The following MBD5 variants were observed in gnomAD, a reference collection of about 807,000 sequenced individuals.
MBD5 encodes methyl-CpG-binding domain protein 5.
MBD5 carries 13 observed loss-of-function variants against 117.3 expected under a neutral mutation model. That is an observed-to-expected ratio of 0.11 (90% CI 0.07 to 0.18). The LOEUF is 0.18. MBD5 is among the 10% of genes least tolerant of loss of function. The pLI is 1.00. For missense variants in MBD5, 1,879 were observed against 2,093.8 expected (o/e 0.90, Z 2.00); for synonymous variants, 727 against 766.4 (o/e 0.95, Z 0.85).
intron 3 of MBD5, among the ~76,000 whole-genome samples, chr2:148,308,074 C>T (rs1313446727): frequency 6.6e-6 from 1 of 152,108 alleles, no homozygotes; most frequent in Non-Finnish European, 1.5e-5. Flanking sequence ...CAAGTCTTTG[C>T]TATTGTGAAC....
In MBD5 at chr2:148,021,469, CTGCTGCTGCTGT is replaced by C. The variant is rs1693720469; in HGVS notation, c.-1128_-1117del. On this transcript the variant is annotated 5_prime_UTR_variant, in exon 1 of 14. Transcript: ENST00000642680. ...AGACCCTTTGCTGCTGCTGTTGCTG[CTGCTGCTGCTGT>C]TGCTGCTGCTGCTGCTACTGCTGCT... 5.2e-6 allele frequency: 3 copies of C among 578,294 alleles called. No individual in the cohort carries two copies. The highest frequency in any genetic ancestry group is 3.8e-5 in the African/African-American group (2 of 52,876). The allele number at this position is 578,294 out of a possible 1,614,324, so 35.8% of individuals were successfully genotyped here.
chr2:148,180,897 G>C (rs912285336), intron 2 of MBD5, among the ~76,000 whole-genome samples: 1 of 151,868 alleles, frequency 6.6e-6, no homozygotes, highest in Non-Finnish European at 1.5e-5. Flanking sequence ...CTATTGTACT[G>C]TTCTATTTTG....
Position 148,463,930 on chromosome 2 carries a change from T to C in MBD5, c.397+11T>C. ...CCGGAGGAGGAACAAGTATGTAATATGGTGAAAGGTTCAGGAATTCTCCTC... is the reference window on the plus strand; with the variant it reads ...CCGGAGGAGGAACAAGTATGTAATACGGTGAAAGGTTCAGGAATTCTCCTC... On this transcript the variant is annotated intron_variant, in intron 7 of 13. Coordinates refer to ENST00000642680, the MANE Select transcript of MBD5 (RefSeq NM_001378120.1). 6.2e-7 allele frequency: 1 copy of C among 1,612,932 alleles called. No individual in the cohort carries two copies. Among genetic ancestry groups the C allele is most frequent in the East Asian group, 2.2e-5 (1 of 44,822 alleles).
At chr2:148,450,353 T>C (rs2105476590) in intron 4 of MBD5, among the ~76,000 whole-genome samples, 1 of 152,318 alleles carries the variant, frequency 6.6e-6, no homozygotes, top group East Asian at 1.9e-4. Flanking sequence ...CTAAATACTA[T>C]GATTAATTTA....
chr2:148,061,610 T>C (rs1695038039), intron 1 of MBD5, among the ~76,000 whole-genome samples: 1 of 151,916 alleles, frequency 6.6e-6, no homozygotes, highest in Non-Finnish European at 1.5e-5. Context: ...TTTACAGTAT[T>C]TCATTATTAT....
chr2:148,396,089 A>G (rs950466583), intron 4 of MBD5, among the ~76,000 whole-genome samples: 4 of 151,918 alleles, frequency 2.6e-5, no homozygotes, highest in African/African-American at 9.7e-5. Context: ...CTGTGTTCAC[A>G]TTCTCATCTC....
At chr2:148,205,370 G>T (rs183906127) in intron 2 of MBD5, among the ~76,000 whole-genome samples, 1 of 152,172 alleles carries the variant, frequency 6.6e-6, no homozygotes. Context: ...GATTACAGGC[G>T]TGGACTAATT....
chr2:148,355,133 T>C (rs1265914695), intron 4 of MBD5, among the ~76,000 whole-genome samples: 1 of 152,114 alleles, frequency 6.6e-6, no homozygotes, highest in African/African-American at 2.4e-5. Context: ...GTTTTTTTTC[T>C]TGTAAATTTT....
intron 13 of MBD5, among the ~76,000 whole-genome samples, chr2:148,511,942 C>T (rs191682079): frequency 7.9e-5 from 12 of 152,104 alleles, no homozygotes; most frequent in Non-Finnish European, 1.5e-4. Flanking sequence ...TCCGGAGAGG[C>T]GATTGTACTC....
intron 3 of MBD5, among the ~76,000 whole-genome samples, chr2:148,277,389 T>C (rs1701141197): frequency 6.6e-6 from 1 of 152,174 alleles, no homozygotes; most frequent in Admixed American, 6.5e-5. Flanking sequence ...CTTAAATATG[T>C]AGCTAATATA....
intron 2 of MBD5, among the ~76,000 whole-genome samples, chr2:148,215,082 C>T (rs534233186): frequency 1.3e-5 from 2 of 152,230 alleles, no homozygotes; most frequent in Non-Finnish European, 2.9e-5. Context: ...ACATTAATTT[C>T]CTCTAAGCAT....
chr2:148,188,943 G>A (rs1355949992), intron 2 of MBD5, among the ~76,000 whole-genome samples: 1 of 151,630 alleles, frequency 6.6e-6, no homozygotes, highest in Non-Finnish European at 1.5e-5. Flanking sequence ...TGCCTCACCT[G>A]GGAAGCGCAA....
chr2:148,496,485 A>G (rs147868275), intron 11 of MBD5, among the ~76,000 whole-genome samples: 53 of 152,314 alleles, frequency 3.5e-4, no homozygotes, highest in African/African-American at 1.2e-3. Flanking sequence ...CTTCATTCGC[A>G]TAGGTAACTG....
chr2:148,242,992 T>TGC (rs1275993730), intron 3 of MBD5, among the ~76,000 whole-genome samples: 2 of 152,202 alleles, frequency 1.3e-5, no homozygotes, highest in Non-Finnish European at 1.5e-5. Context: ...GAGGTTGCAT[T>TGC]AACTCTCTCT....
intron 13 of MBD5, among the ~76,000 whole-genome samples, chr2:148,510,778 G>T (rs1213381328): frequency 6.6e-6 from 1 of 152,196 alleles, no homozygotes; most frequent in African/African-American, 2.4e-5. Context: ...TGAATGATGG[G>T]ATTAGTATAG....
intron 4 of MBD5, among the ~76,000 whole-genome samples, chr2:148,380,644 T>C (rs1179236753): frequency 1.3e-5 from 2 of 152,090 alleles, no homozygotes; most frequent in Non-Finnish European, 2.9e-5. Context: ...AGCACGCAGC[T>C]TGAGATCTGA....
chr2:148,143,362 G>A (rs145056929), intron 1 of MBD5, among the ~76,000 whole-genome samples: 45 of 152,308 alleles, frequency 3.0e-4, no homozygotes, highest in African/African-American at 1.1e-3. Context: ...TGCCTCTGGA[G>A]ACAGACAGAG....
intron 2 of MBD5, among the ~76,000 whole-genome samples, chr2:148,229,656 T>C (rs543364941): frequency 6.6e-6 from 1 of 152,322 alleles, no homozygotes; most frequent in African/African-American, 2.4e-5. Flanking sequence ...TTTCCAGATA[T>C]TCAAAAGGAC....
At chr2:148,308,499 T>C (rs1267676130) in intron 3 of MBD5, among the ~76,000 whole-genome samples, 11 of 131,700 alleles carry the variant, frequency 8.4e-5, no homozygotes, top group African/African-American at 2.4e-4. Context: ...TTCTTTTTTT[T>C]TTTTTTTTTT....
Sources: allele counts gnomAD v4.1 joint callset (sites outside exome capture counted in the v4.1 genomes callset), GRCh38; gene constraint gnomAD v4.1.1; transcripts MANE v1.5; gene names NCBI Gene and HGNC (gene_info 2026-07-23, HGNC 2026-07-21).